TSPAN18: variants seen among roughly 807,000 people sequenced by gnomAD.
TSPAN18 encodes the protein tetraspanin 18.
In TSPAN18, 14 loss-of-function variants were observed where a neutral mutation model predicts 27.3. The observed-to-expected ratio is 0.51, with a 90% CI of 0.34 to 0.80. The LOEUF (loss-of-function observed/expected upper bound fraction) is 0.80. Ranked by LOEUF, TSPAN18 falls within the 30% of genes least tolerant of loss-of-function variation. TSPAN18 has a pLI of 0.01. For missense variants in TSPAN18, 268 were observed against 323.9 expected, an observed-to-expected ratio of 0.83 and a Z score of 1.32; for synonymous variants, 143 against 136.5, an observed-to-expected ratio of 1.05 and a Z score of -0.33.
intron 2 of TSPAN18, among the ~76,000 whole-genome samples, chr11:44,851,652 C>A (rs1857609274): frequency 1.3e-5 from 2 of 150,856 alleles, no homozygotes; most frequent in South Asian, 4.2e-4. Flanking sequence ...CTACCTCCCT[C>A]CTCTCTCTTC....
intron 2 of TSPAN18, among the ~76,000 whole-genome samples, chr11:44,858,590 C>T (rs11038178): frequency 0.21 from 31,177 of 152,080 alleles, 3,522 homozygotes; most frequent in South Asian, 0.24. Flanking sequence ...ACCTCCTTCT[C>T]AGAGTGAAGA....
At position 44,929,647 on chromosome 11, in the gene TSPAN18, A is replaced by G. The variant is rs1590712194; in HGVS notation, c.*469A>G. The G allele has an allele frequency of 6.2e-6, 1 of 160,856 alleles. No individual in the cohort carries two copies. Among genetic ancestry groups the G allele is most frequent in the Middle Eastern group, 3.2e-3 (1 of 308 alleles). 10.0% of individuals were successfully genotyped at this position (160,856 alleles called of 1,614,324 possible). ...GCTGCCATGTCTTTGAGGACTCGGA[A>G]CCCACAGCGCAATCCCTGGTCCACT... On this transcript the variant is annotated 3_prime_UTR_variant, in exon 10 of 10. Transcript: ENST00000520358.
At chr11:44,844,061 A>C (rs1857430772) in intron 2 of TSPAN18, among the ~76,000 whole-genome samples, 1 of 152,226 alleles carries the variant, frequency 6.6e-6, no homozygotes, top group Non-Finnish European at 1.5e-5. Flanking sequence ...TGTCCATGAA[A>C]TCTTTACAAT....
intron 2 of TSPAN18, among the ~76,000 whole-genome samples, chr11:44,806,130 G>A (rs1177921875): frequency 2.6e-5 from 4 of 151,440 alleles, no homozygotes; most frequent in Admixed American, 2.0e-4. Flanking sequence ...CGCCTCCCGG[G>A]TTCAAGTGAT....
chr11:44,892,006 C>T lies in TSPAN18; in HGVS notation c.-10-14401C>T, dbSNP rs1858866472. On this transcript the variant is annotated intron_variant, in intron 3 of 9. Transcript: ENST00000520358. ...TCAGGGAGGCCACTGAGTGGATGCT[C>T]TCTGAACCCCAGGGAAGCAGCCAGG... 1.3e-5 allele frequency among the ~76,000 whole-genome samples: 2 copies of T among 152,164 alleles called. 1 individual carries two copies. The highest frequency in any genetic ancestry group is 4.1e-4 in the South Asian group (2 of 4,826).
rs1472446431 is a variant in TSPAN18, at chr11:44,861,016, A to G, written c.-11+547A>G. ...TATATTCCAAATATATATATTCCAA[A>G]TAATATATTTGGGGCCTATTTATTG... On this transcript the variant is annotated intron_variant, in intron 3 of 9. Transcript: ENST00000520358. Among the ~76,000 whole-genome samples, 4 of 152,252 alleles carry G rather than the reference A, an allele frequency of 2.6e-5. No individual in the cohort carries two copies. The East Asian group carries it at 7.7e-4, about 29-fold the overall frequency.
At position 44,764,807 on chromosome 11, in the gene TSPAN18, G is replaced by A. The variant is rs547759207; in HGVS notation, c.-153+295G>A. ...TAGAGCTCCTGGGGGCTCCAGGCAG[G>A]GTCATGAGGGCTCATGGAATCTGTA... On this transcript the variant is annotated intron_variant, in intron 2 of 9. Transcript: ENST00000520358. 5.3e-5 allele frequency among the ~76,000 whole-genome samples: 8 copies of A among 152,214 alleles called. No homozygotes were observed. The South Asian group carries it at 1.5e-3, about 28-fold the overall frequency.
At chr11:44,736,334 T>C (rs1286476454) in intron 1 of TSPAN18, 1 of 152,246 alleles carries the variant, frequency 6.6e-6, no homozygotes, top group Non-Finnish European at 1.5e-5. Flanking sequence ...CAGTTGGAGC[T>C]ACAATGTTTT....
At chr11:44,891,374 A>G (rs1279042085) in intron 3 of TSPAN18, among the ~76,000 whole-genome samples, 2 of 152,150 alleles carry the variant, frequency 1.3e-5, no homozygotes, top group East Asian at 1.9e-4. Context: ...GATGTGAGGT[A>G]GGTTGCACAC....
At position 44,748,170 on chromosome 11, in the gene TSPAN18, G is replaced by T. The variant is rs547057281; in HGVS notation, c.-239-16256G>T. 2.6e-5 allele frequency among the ~76,000 whole-genome samples: 4 copies of T among 152,324 alleles called. No homozygotes were observed. In the East Asian group the frequency reaches 7.7e-4, roughly 29 times the overall value. ...CACCTGTAATCTCAGCACTTTGAGA[G>T]GCCAAGGCAGACAGATCACTTGAGG... On this transcript the variant is annotated intron_variant, in intron 1 of 9. Transcript: ENST00000520358.
chr11:44,830,750 T>A (rs1857136585), intron 2 of TSPAN18, among the ~76,000 whole-genome samples: 1 of 152,150 alleles, frequency 6.6e-6, no homozygotes, highest in Non-Finnish European at 1.5e-5. Context: ...AACTATGGCT[T>A]TAGGATCTGG....
At chr11:44,831,827 A>G (rs2135145069) in intron 2 of TSPAN18, among the ~76,000 whole-genome samples, 1 of 152,138 alleles carries the variant, frequency 6.6e-6, no homozygotes, top group African/African-American at 2.4e-5. Context: ...GTGGGGTGGG[A>G]AGCTGTCTGG....
chr11:44,796,736 T>C (rs1265144375), intron 2 of TSPAN18, among the ~76,000 whole-genome samples: 1 of 152,154 alleles, frequency 6.6e-6, no homozygotes, highest in Non-Finnish European at 1.5e-5. Context: ...CGGGCCAGCC[T>C]GAGCCTACCC....
At chr11:44,750,951 C>T (rs1216335067) in intron 1 of TSPAN18, among the ~76,000 whole-genome samples, 2 of 152,252 alleles carry the variant, frequency 1.3e-5, no homozygotes, top group East Asian at 3.9e-4. Flanking sequence ...TGAACCATTT[C>T]TTTGCTGAAA....
chr11:44,807,647 G>A (rs1856630480), intron 2 of TSPAN18, among the ~76,000 whole-genome samples: 1 of 152,100 alleles, frequency 6.6e-6, no homozygotes, highest in South Asian at 2.1e-4. Flanking sequence ...AAAATTCCTG[G>A]GGGGAACTCA....
intron 2 of TSPAN18, among the ~76,000 whole-genome samples, chr11:44,794,757 T>G (rs867020988): frequency 6.6e-6 from 1 of 152,068 alleles, no homozygotes; most frequent in Non-Finnish European, 1.5e-5. Flanking sequence ...TTGGATAAGC[T>G]ACTTAACCTG....
At position 44,736,185 on chromosome 11, in the gene TSPAN18, A is replaced by T. The variant is rs920914602; in HGVS notation, c.-240+8898A>T. On this transcript the variant is annotated intron_variant, in intron 1 of 9. Transcript: ENST00000520358. The stretch of plus-strand genomic sequence containing the variant: ...GGTTTATATACCTACCTCATAGCCT[A>T]GTCCTGAGCATCAAAGGAGGTGAAT... 5 of 152,202 alleles carry T rather than the reference A, an allele frequency of 3.3e-5. 1 individual carries two copies. The highest frequency in any genetic ancestry group is 7.3e-5 in the Non-Finnish European group (5 of 68,030). The allele number at this position is 152,202 out of a possible 1,614,324, so 9.4% of individuals were successfully genotyped here. A position where few individuals can be genotyped will look rare whatever the true frequency, so the allele number is the denominator to read the frequency against.
chr11:44,788,794 C>T (rs1216224844), intron 2 of TSPAN18, among the ~76,000 whole-genome samples: 1 of 152,184 alleles, frequency 6.6e-6, no homozygotes. Context: ...GAGCTGGCAG[C>T]ACCTTGCTGG....
At chr11:44,775,751 C>A (rs886916962) in intron 2 of TSPAN18, among the ~76,000 whole-genome samples, 1 of 152,200 alleles carries the variant, frequency 6.6e-6, no homozygotes, top group African/African-American at 2.4e-5. Context: ...AGGCTGCTAA[C>A]CTATAGAGGT....
Sources: gnomAD v4.1 joint callset for allele counts (sites outside exome capture counted in the v4.1 genomes callset) on GRCh38, gnomAD v4.1.1 for gene constraint, MANE v1.5 for transcripts, NCBI Gene and HGNC (gene_info 2026-07-23, HGNC 2026-07-21) for gene names.